The following LAMB4 variants were observed in gnomAD, a reference collection of about 807,000 sequenced individuals.
LAMB4 encodes the protein laminin subunit beta 4, also known as laminin subunit beta-4.
Under a neutral mutation model 199.2 loss-of-function variants are expected in LAMB4, and 196 were observed. The observed-to-expected ratio is 0.98, with a 90% CI of 0.88 to 1.11. The LOEUF (loss-of-function observed/expected upper bound fraction) is 1.11. LAMB4 is among the 50% of genes least tolerant of loss of function. The pLI is 0.00. For synonymous variants in LAMB4, 744 were observed against 770.6 expected, an observed-to-expected ratio of 0.97 and a Z score of 0.57; for missense variants, 2,080 against 2,171.2, an observed-to-expected ratio of 0.96 and a Z score of 0.83.
intron 2 of LAMB4, among the ~76,000 whole-genome samples, chr7:108,119,450 G>A (rs1465064589): frequency 2.0e-5 from 3 of 152,194 alleles, no homozygotes; most frequent in African/African-American, 7.2e-5. Flanking sequence ...GCAAAAAAAA[G>A]TAGTGAACCA....
chr7:108,032,695 CGTGTGTGTGTGTGTGT>C (rs3050225), intron 31 of LAMB4, among the ~76,000 whole-genome samples: 51 of 144,534 alleles, frequency 3.5e-4, no homozygotes, highest in African/African-American at 1.2e-3. Context: ...TGTGTGTTTG[CGTGTGTGTGTGTGTGT>C]GTGTGTGTGT....
rs1276094873 is a variant in LAMB4 at position 108,063,685 on chromosome 7, C to G, written c.3061+76G>C. 3 of 1,290,416 alleles carry G rather than the reference C, an allele frequency of 2.3e-6. No homozygotes were observed. The African/African-American group carries it at 4.4e-5, about 19-fold the overall frequency. 79.9% of individuals were successfully genotyped at this position (1,290,416 alleles called of 1,614,324 possible). On this transcript the variant is annotated intron_variant, in intron 22 of 33. Coordinates refer to ENST00000388781, the MANE Select transcript of LAMB4 (RefSeq NM_007356.3). ...CTGGGACTGGCCTAACTGAAATGAT[C>G]ATGGGAGAGCTGACAACACACTTAT...
At chr7:108,113,871 G>A (rs904161892) in intron 3 of LAMB4, among the ~76,000 whole-genome samples, 4 of 152,140 alleles carry the variant, frequency 2.6e-5, no homozygotes, top group Non-Finnish European at 2.9e-5. Context: ...TCCATGCTGC[G>A]TGAATGTTTG....
rs1324695355 is a variant in LAMB4 at position 108,107,805 on chromosome 7, AGCAG to A, written c.413_416del (p.Pro138LeufsTer4). 1.9e-6 allele frequency: 3 copies of A among 1,589,542 alleles called. No individual in the cohort carries two copies. The highest frequency in any genetic ancestry group is 2.6e-6 in the Non-Finnish European group (3 of 1,172,672). ...CTGTGGAACGTTCAACTAACATTGC[AGCAG>A]GCCGAAAAGTCTAGGAAAAATGAGT... On this transcript the variant is annotated frameshift_variant, in exon 6 of 34. Coordinates refer to ENST00000388781, the MANE Select transcript of LAMB4 (RefSeq NM_007356.3). LOFTEE classifies it high-confidence loss of function.
chr7:108,062,547 T>G, intron 23 of LAMB4: 1 of 336,528 alleles, frequency 3.0e-6, no homozygotes, highest in Non-Finnish European at 5.3e-6. Context: ...ACTTCCTCAG[T>G]CACAGAGAGA....
chr7:108,029,635 G>T (rs1385159574), intron 32 of LAMB4, among the ~76,000 whole-genome samples: 1 of 152,132 alleles, frequency 6.6e-6, no homozygotes, highest in Non-Finnish European at 1.5e-5. Flanking sequence ...TATTTGGTTG[G>T]CAAAAAGGTG....
intron 12 of LAMB4, among the ~76,000 whole-genome samples, chr7:108,093,382 A>G (rs1375125679): frequency 3.3e-5 from 5 of 152,382 alleles, no homozygotes; most frequent in African/African-American, 9.6e-5. Context: ...TGCTTTTAAA[A>G]AAACTGATAG....
At chr7:108,033,751 T>A (rs1237738148) in intron 31 of LAMB4, among the ~76,000 whole-genome samples, 12 of 151,480 alleles carry the variant, frequency 7.9e-5, no homozygotes, top group Admixed American at 7.2e-4. Flanking sequence ...TTTTTTTTTT[T>A]TTTTTTTTAG....
intron 14 of LAMB4, among the ~76,000 whole-genome samples, chr7:108,086,701 A>T (rs1181515790): frequency 1.3e-5 from 2 of 152,204 alleles, no homozygotes; most frequent in African/African-American, 4.8e-5. Context: ...AATGAATAAC[A>T]CAGATGTGGT....
At chr7:108,121,965 C>T (rs1383895848) in intron 2 of LAMB4, among the ~76,000 whole-genome samples, 1 of 152,182 alleles carries the variant, frequency 6.6e-6, no homozygotes, top group Non-Finnish European at 1.5e-5. Flanking sequence ...TGTAGCTAAC[C>T]TGCTTGGGAG....
At chr7:108,108,146 C>G (rs2038092322) in intron 5 of LAMB4, among the ~76,000 whole-genome samples, 1 of 152,134 alleles carries the variant, frequency 6.6e-6, no homozygotes, top group Non-Finnish European at 1.5e-5. Flanking sequence ...GTTGCCCAGA[C>G]TGTTCTCAAA....
chr7:108,019,287 T>C (rs1034994815), downstream of LAMB4, among the ~76,000 whole-genome samples: 107 of 152,090 alleles, frequency 7.0e-4, no homozygotes, highest in African/African-American at 2.2e-3. Flanking sequence ...CCTTCCTTCA[T>C]GTTCAAAGCC....
Position 108,111,876 on chromosome 7 carries a change from G to A in LAMB4, c.263C>T (p.Thr88Ile). Residue 88 changes from threonine (T) to isoleucine (I), a missense_variant, in exon 4 of 34, where the codon ACC becomes ATC. Transcript: ENST00000388781. ...YDPYDQPNSH[T>I]IENVIVSFEP... ...AAAACTTACAATGACATTCTCAATG[G>A]TGTGGCTGTTGGGTTGGTCATACGG... 1.2e-6 allele frequency: 2 copies of A among 1,611,624 alleles called. No individual in the cohort carries two copies. The highest frequency in any genetic ancestry group is 1.1e-5 in the South Asian group (1 of 90,556).
chr7:108,128,282 T>A (rs2038864488), intron 1 of LAMB4, among the ~76,000 whole-genome samples: 1 of 152,142 alleles, frequency 6.6e-6, no homozygotes, highest in African/African-American at 2.4e-5. Flanking sequence ...TGACTCCAAG[T>A]CCCTTCTTTG....
chr7:108,110,063 T>C (rs1407826625), intron 4 of LAMB4, among the ~76,000 whole-genome samples: 4 of 152,210 alleles, frequency 2.6e-5, no homozygotes, highest in Non-Finnish European at 5.9e-5. Context: ...AGAGTCTCGC[T>C]CTGTCCCCCA....
chr7:108,091,275 G>A (rs965958281), intron 14 of LAMB4, among the ~76,000 whole-genome samples: 1 of 152,116 alleles, frequency 6.6e-6, no homozygotes, highest in African/African-American at 2.4e-5. Context: ...CCCTTTTATA[G>A]TTTATAGTAT....
At chr7:108,109,040 G>C in intron 5 of LAMB4, 131 bp downstream of exon 5, 3 of 672,292 alleles carry the variant, frequency 4.5e-6, no homozygotes, top group Non-Finnish European at 8.0e-6. Flanking sequence ...TCAAAGCTCA[G>C]GTGGCAAAGG....
chr7:108,092,170 C>A (rs941954506), intron 13 of LAMB4, among the ~76,000 whole-genome samples, 167 bp downstream of exon 13: 3 of 152,118 alleles, frequency 2.0e-5, no homozygotes, highest in Non-Finnish European at 4.4e-5. Context: ...GTTTACCTCA[C>A]CCTTGGAAAT....
chr7:108,069,935 C>T lies in LAMB4; in HGVS notation c.2125-50G>A, dbSNP rs370619781. ...TAACATTCAAACTATCTGCTGTGTA[C>T]GATTCTACTTACATATAAAAAAATT... is the stretch of plus-strand genomic sequence containing the variant. On this transcript the variant is annotated intron_variant, in intron 17 of 33. Coordinates refer to ENST00000388781, the MANE Select transcript of LAMB4 (RefSeq NM_007356.3). 3.9e-4 allele frequency: 563 copies of T among 1,460,110 alleles called. 2 individuals carry two copies. The African/African-American group carries it at 5.9e-3, about 15-fold the overall frequency. 90.4% of individuals were successfully genotyped at this position (1,460,110 alleles called of 1,614,324 possible).
Sources: allele counts gnomAD v4.1 joint callset (sites outside exome capture counted in the v4.1 genomes callset), GRCh38; gene constraint gnomAD v4.1.1; transcripts MANE v1.5; gene names NCBI Gene and HGNC (gene_info 2026-07-23, HGNC 2026-07-21).